Variants in SRSF5 observed in about 807,000 individuals in gnomAD.
The protein encoded by SRSF5 is serine/arginine-rich splicing factor 5.
In SRSF5, 5 loss-of-function variants were observed where a neutral mutation model predicts 34.0. That is an observed-to-expected ratio of 0.15 (90% CI 0.08 to 0.31). SRSF5 has a LOEUF of 0.31. Ranked by LOEUF, SRSF5 falls within the 10% of genes least tolerant of loss-of-function variation. The probability of loss-of-function intolerance (pLI) is 1.00; values close to 1 mark genes in which losing one functional copy is unlikely to be tolerated. For missense variants in SRSF5, 223 were observed against 351.4 expected (o/e 0.63, Z 2.92); for synonymous variants, 164 against 117.7 (o/e 1.39, Z -2.55).
In SRSF5 at chr14:69,771,705, A is replaced by G. The variant is rs1883229913; in HGVS notation, c.*244A>G. 1 of 492,180 alleles carries G rather than the reference A, an allele frequency of 2.0e-6. No individual in the cohort carries two copies. The highest frequency in any genetic ancestry group is 3.4e-5 in the East Asian group (1 of 29,172). 30.5% of individuals were successfully genotyped at this position (492,180 alleles called of 1,614,324 possible). A position where few individuals can be genotyped will look rare whatever the true frequency, so the allele number is the denominator to read the frequency against. On this transcript the variant is annotated 3_prime_UTR_variant, in exon 8 of 8. Transcript: ENST00000557154. Reference sequence around the variant, plus strand: ...ACATTTTTGTGAATGTCTGAAGTATATAGTTTGTGTATATTGACAGAGCTC... The same window carrying G: ...ACATTTTTGTGAATGTCTGAAGTATGTAGTTTGTGTATATTGACAGAGCTC...
At chr14:69,770,189 T>G (rs1883033768) in intron 5 of SRSF5, 18 of 1,121,038 alleles carry the variant, frequency 1.6e-5, no homozygotes, top group Non-Finnish European at 1.7e-5. Context: ...TTGTTTGTTT[T>G]TTTTTCTTTT....
chr14:69,768,445 C>T (rs1566625457), intron 2 of SRSF5, 159 bp from the exon 3 acceptor site: 4 of 1,229,656 alleles, frequency 3.3e-6, no homozygotes, highest in Non-Finnish European at 4.6e-6. Flanking sequence ...CTTGCCGGCT[C>T]ACTGGAACCC....
chr14:69,768,517 C>G (rs1882813730), intron 2 of SRSF5, 87 bp from the exon 3 acceptor site: 5 of 1,367,432 alleles, frequency 3.7e-6, no homozygotes, highest in Non-Finnish European at 5.2e-6. Context: ...ATACTCTTCC[C>G]ATTCTGTCTC....
At chr14:69,770,394 T>G in intron 5 of SRSF5, 73 bp from the exon 6 acceptor site, 1 of 1,571,402 alleles carries the variant, frequency 6.4e-7, no homozygotes, top group Non-Finnish European at 8.6e-7. Context: ...GTAGTCTTGT[T>G]TTTTTTATAT....
At chr14:69,767,931 T>C (rs1030460564) in intron 1 of SRSF5, 3 of 525,252 alleles carry the variant, frequency 5.7e-6, no homozygotes, top group African/African-American at 3.9e-5. Flanking sequence ...GTTGCTGCGG[T>C]CTGGGCCCAG....
rs1279120464 is a variant in SRSF5 at position 69,768,225 on chromosome 14, C to T, written c.69C>T (p.Phe23=). ...PAAREKDVER[F]FKGYGRIRDI... ...CCAGGGAGAAGGACGTGGAAAGATT[C>T]TTCAAGGGATATGGACGGATAAGAG... The change falls in exon 2 of 8, where the codon TTC becomes TTT. Residue 23 remains phenylalanine, a synonymous_variant. Transcript: ENST00000557154. The T allele has an allele frequency of 6.2e-7, 1 of 1,614,184 alleles. No individual in the cohort carries two copies. Among genetic ancestry groups the T allele is most frequent in the South Asian group, 1.1e-5 (1 of 91,088 alleles).
intron 1 of SRSF5, chr14:69,767,759 C>G (rs950492803): frequency 2.8e-6 from 1 of 352,516 alleles, no homozygotes; most frequent in South Asian, 2.1e-5. Flanking sequence ...CTTCCACCCG[C>G]TGTGACGCGC....
chr14:69,770,891 G>A, intron 6 of SRSF5, 104 bp from the exon 7 acceptor site: 1 of 976,152 alleles, frequency 1.0e-6, no homozygotes, highest in Non-Finnish European at 1.5e-6. Context: ...CTCAATAGTA[G>A]CAATAGCAAA....
At position 69,770,981 on chromosome 14, in the gene SRSF5, G is replaced by C. The variant is rs533439236; in HGVS notation, c.441-14G>C. 5.6e-6 allele frequency: 9 copies of C among 1,606,208 alleles called. No homozygotes were observed. In the South Asian group the frequency reaches 9.9e-5, roughly 18 times the overall value. On this transcript the variant is annotated splice_polypyrimidine_tract_variant and intron_variant, in intron 6 of 7. Transcript: ENST00000557154. Reference sequence around the variant, plus strand: ...GGATGTATATACTTTAAAAGTGGCTGTTTTCCATTTTAGGGTGGTTGAGTT... The same window carrying C: ...GGATGTATATACTTTAAAAGTGGCTCTTTTCCATTTTAGGGTGGTTGAGTT...
intron 5 of SRSF5, chr14:69,769,498 CTTTA>C (rs1882964473): frequency 6.5e-7 from 1 of 1,535,300 alleles, no homozygotes; most frequent in Non-Finnish European, 8.7e-7. Context: ...ATATTAAACC[CTTTA>C]TTTGCCAGCC....
intron 6 of SRSF5, 68 bp downstream of exon 6, chr14:69,770,608 G>A (rs894832888): frequency 1.0e-5 from 15 of 1,428,986 alleles, no homozygotes; most frequent in Non-Finnish European, 1.4e-5. Flanking sequence ...TTAGTTTTGA[G>A]GACTTAAAAT....
At chr14:69,768,439 C>T (rs532271724) in intron 2 of SRSF5, 157 bp downstream of exon 2, 3 of 1,280,750 alleles carry the variant, frequency 2.3e-6, no homozygotes, top group South Asian at 1.4e-5. Context: ...CTTTAACTTG[C>T]CGGCTCACTG....
intron 1 of SRSF5, chr14:69,767,714 G>A (rs751060231): frequency 5.6e-6 from 2 of 359,036 alleles, no homozygotes; most frequent in Non-Finnish European, 1.1e-5. Flanking sequence ...CGCTGCTGTT[G>A]GCGCAGGCGC....
chr14:69,770,416 T>G lies in SRSF5; in HGVS notation c.367-51T>G, dbSNP rs777400373. On this transcript the variant is annotated intron_variant, in intron 5 of 7. Transcript: ENST00000557154. The stretch of plus-strand genomic sequence containing the variant: ...TGTTTTTTTTATATCATGTGATTGT[T>G]TGTGTGTCCCCTTTCCTCTTCTTTG... The G allele has an allele frequency of 4.4e-6, 7 of 1,597,648 alleles. No individual in the cohort carries two copies. In the South Asian group the frequency reaches 4.6e-5, roughly 10 times the overall value.
chr14:69,770,603 T>C, intron 6 of SRSF5, 63 bp downstream of exon 6: 1 of 1,442,388 alleles, frequency 6.9e-7, no homozygotes, highest in Non-Finnish European at 9.7e-7. Context: ...TGAACTTAGT[T>C]TTGAGGACTT....
intron 1 of SRSF5, chr14:69,767,579 A>T (rs1056547228): frequency 2.2e-6 from 1 of 454,344 alleles, no homozygotes; most frequent in African/African-American, 2.0e-5. Flanking sequence ...GGCCTTTTGT[A>T]GGGCGGCCGC....
chr14:69,767,238 A>G lies in SRSF5; in HGVS notation c.-37A>G, dbSNP rs1882555086. The G allele has an allele frequency of 2.7e-6, 1 of 374,874 alleles. No homozygotes were observed. Among genetic ancestry groups the G allele is most frequent in the South Asian group, 2.0e-5 (1 of 49,740 alleles). 23.2% of individuals were successfully genotyped at this position (374,874 alleles called of 1,614,324 possible). A position where few individuals can be genotyped will look rare whatever the true frequency, so the allele number is the denominator to read the frequency against. On this transcript the variant is annotated 5_prime_UTR_variant, in exon 1 of 8. Coordinates refer to ENST00000557154, the MANE Select transcript of SRSF5 (RefSeq NM_001320214.2). The stretch of plus-strand genomic sequence containing the variant: ...CGGACCTGTCTGGGTCTCAGCCGCC[A>G]AAGACCCCGTCCGGTAGGTGAGTGG...
At chr14:69,767,569 G>T in intron 1 of SRSF5, 1 of 455,808 alleles carries the variant, frequency 2.2e-6, no homozygotes, top group Non-Finnish European at 4.4e-6. Context: ...GATGCGGCTG[G>T]GCCTTTTGTA....
chr14:69,768,130 T>TGAATAGG lies in SRSF5; in HGVS notation c.-19-8_-19-7insGAATAGG. ...TGCTATTATCTCGATTGAATTACTT[T>TGAATAGG]CTAATAGGAAGTACTAGCCGGACAT... On this transcript the variant is annotated splice_polypyrimidine_tract_variant and splice_region_variant and intron_variant, in intron 1 of 7. Transcript: ENST00000557154. 3.7e-6 allele frequency: 6 copies of TGAATAGG among 1,613,772 alleles called. No individual in the cohort carries two copies. The highest frequency in any genetic ancestry group is 5.1e-6 in the Non-Finnish European group (6 of 1,179,750).
Sources: allele counts gnomAD v4.1 joint callset, GRCh38; gene constraint gnomAD v4.1.1; transcripts MANE v1.5; gene names NCBI Gene and HGNC (gene_info 2026-07-23, HGNC 2026-07-21).